The following ADD1 variants were observed in gnomAD, a reference collection of about 807,000 sequenced individuals.
The protein encoded by ADD1 is alpha-adducin.
A neutral mutation model predicts 80.5 loss-of-function variants in ADD1; 24 were observed. That is an observed-to-expected ratio of 0.30 (90% confidence interval 0.22 to 0.42). The LOEUF is 0.42. ADD1 is among the 10% of genes least tolerant of loss of function. The probability of loss-of-function intolerance (pLI) is 1.00; values close to 1 mark genes in which losing one functional copy is unlikely to be tolerated. For missense variants in ADD1, 948 were observed against 1,019.0 expected (o/e 0.93, Z 0.95); for synonymous variants, 373 against 393.8 (o/e 0.95, Z 0.63).
intron 2 of ADD1, among the ~76,000 whole-genome samples, chr4:2,879,501 A>G (rs1731888043): frequency 1.3e-5 from 2 of 152,152 alleles, no homozygotes; most frequent in African/African-American, 4.8e-5. Flanking sequence ...CCATTGAAAT[A>G]GATCCTTTGA....
At chr4:2,909,570 A>G (rs1352400515) in intron 13 of ADD1, 139 bp downstream of exon 13, 13 of 638,786 alleles carry the variant, frequency 2.0e-5, no homozygotes, top group South Asian at 9.2e-5. Context: ...GTGAGATTGT[A>G]CAGAAGGTTC....
chr4:2,926,662 T>C lies in ADD1; in HGVS notation c.2047+550T>C, dbSNP rs1423021454. 1.2e-6 allele frequency: 2 copies of C among 1,613,900 alleles called. No homozygotes were observed. The highest frequency in any genetic ancestry group is 1.7e-5 in the Admixed American group (1 of 59,998). On this transcript the variant is annotated intron_variant, in intron 15 of 15. Coordinates refer to ENST00000683351, the MANE Select transcript of ADD1 (RefSeq NM_001354761.2). This position sits in a 1 kb window ranked among gnomAD's most constrained non-coding sequence, Gnocchi z 5.0. ...AGCAGGAGACGGATGCGCTAGAGAG[T>C]ACCTGTTACCCTAGTAAGTACCGTG...
At chr4:2,875,483 G>A (rs1272002702) in intron 1 of ADD1, among the ~76,000 whole-genome samples, 1 of 151,832 alleles carries the variant, frequency 6.6e-6, no homozygotes, top group East Asian at 1.9e-4. Flanking sequence ...TACCTTATGG[G>A]AAAAAAAATC....
intron 1 of ADD1, among the ~76,000 whole-genome samples, chr4:2,847,420 G>A (rs1279862615): frequency 2.3e-5 from 3 of 131,084 alleles, no homozygotes; most frequent in Non-Finnish European, 3.3e-5. Flanking sequence ...AAAAAAAAAA[G>A]GAAGTAAGAC....
At chr4:2,917,566 T>G (rs1739298140) in intron 14 of ADD1, among the ~76,000 whole-genome samples, 1 of 152,246 alleles carries the variant, frequency 6.6e-6, no homozygotes, top group South Asian at 2.1e-4. Context: ...TGGCTTTTGT[T>G]GCCATTGCTT....
chr4:2,909,236 G>C, intron 12 of ADD1, 103 bp from the exon 13 acceptor site: 1 of 951,708 alleles, frequency 1.1e-6, no homozygotes, highest in Non-Finnish European at 1.6e-6. Flanking sequence ...ACTGTTGACA[G>C]CTGTCCCTGC....
At position 2,926,271 on chromosome 4, in the gene ADD1, C is replaced by A; in HGVS notation, c.2047+159C>A. Reference sequence around the variant, plus strand: ...TTTCTCCTCCTATATTGCTTCTGTCCTGGGTAACTCCAGGCAAAACAGATT... The same window carrying A: ...TTTCTCCTCCTATATTGCTTCTGTCATGGGTAACTCCAGGCAAAACAGATT... On this transcript the variant is annotated intron_variant, in intron 15 of 15. Coordinates refer to ENST00000683351, the MANE Select transcript of ADD1 (RefSeq NM_001354761.2). The surrounding 1 kb of genome is among the most constrained non-coding windows in gnomAD (Gnocchi z 5.0). 1 of 762,598 alleles carries A rather than the reference C, an allele frequency of 1.3e-6. No homozygotes were observed. Among genetic ancestry groups the A allele is most frequent in the Non-Finnish European group, 2.3e-6 (1 of 431,832 alleles). 47.2% of individuals were successfully genotyped at this position (762,598 alleles called of 1,614,324 possible). A position where few individuals can be genotyped will look rare whatever the true frequency, so the allele number is the denominator to read the frequency against.
intron 14 of ADD1, 127 bp from the exon 15 acceptor site, chr4:2,925,887 A>G (rs1740880301): frequency 1.5e-6 from 1 of 676,870 alleles, no homozygotes; most frequent in Non-Finnish European, 2.6e-6. Context: ...GGATCAGGGA[A>G]AGGGTTGAGA....
At chr4:2,908,774 T>G in intron 12 of ADD1, 170 bp downstream of exon 12, 1 of 634,194 alleles carries the variant, frequency 1.6e-6, no homozygotes, top group African/African-American at 1.8e-5. Flanking sequence ...TTTCGTTGAG[T>G]TCTAGAAGGA....
intron 13 of ADD1, among the ~76,000 whole-genome samples, chr4:2,911,082 T>C (rs1737939210): frequency 6.6e-6 from 1 of 152,176 alleles, no homozygotes; most frequent in Non-Finnish European, 1.5e-5. Flanking sequence ...ACAGTCTTGC[T>C]CCTTTTGGAA....
At chr4:2,854,099 A>T (rs1421057070) in intron 1 of ADD1, among the ~76,000 whole-genome samples, 2 of 152,092 alleles carry the variant, frequency 1.3e-5, no homozygotes, top group East Asian at 3.9e-4. Flanking sequence ...AGGTGGGCGG[A>T]TCACCTGAGA....
At chr4:2,887,351 T>C (rs1480891656) in intron 4 of ADD1, among the ~76,000 whole-genome samples, 1 of 151,968 alleles carries the variant, frequency 6.6e-6, no homozygotes, top group Non-Finnish European at 1.5e-5. Context: ...AGGGATTTTC[T>C]GCTAAAGGGA....
In ADD1 at chr4:2,928,265, A is replaced by T; in HGVS notation, c.2142A>T (p.Ala714=). The T allele has an allele frequency of 6.2e-7, 1 of 1,613,832 alleles. No homozygotes were observed. The highest frequency in any genetic ancestry group is 8.5e-7 in the Non-Finnish European group (1 of 1,179,966). ...TGTCCCCTGATGAACCTTCAGAAGC[A>T]CTCGGCTTCCCAATGTTAGAGAAGG... The part of the protein sequence containing the change: ...PDLSPDEPSE[A]LGFPMLEKEE... Residue 714 remains alanine (A), a synonymous_variant, in exon 16 of 16, where the codon GCA becomes GCT. Coordinates refer to ENST00000683351, the MANE Select transcript of ADD1 (RefSeq NM_001354761.2).
At chr4:2,857,940 CT>C (rs980469489) in intron 1 of ADD1, among the ~76,000 whole-genome samples, 5 of 151,490 alleles carry the variant, frequency 3.3e-5, no homozygotes, top group East Asian at 1.9e-4. Context: ...TGTCTCATTG[CT>C]TTTTTTTTAT....
chr4:2,884,464 T>C (rs1410480305), intron 3 of ADD1, 51 bp from the exon 4 acceptor site: 3 of 1,444,740 alleles, frequency 2.1e-6, no homozygotes, highest in Non-Finnish European at 2.8e-6. Flanking sequence ...TAACTAGGAC[T>C]ACAGGCGTAT....
chr4:2,909,050 TC>T, intron 12 of ADD1: 1 of 494,780 alleles, frequency 2.0e-6, no homozygotes, highest in Non-Finnish European at 3.7e-6. Context: ...ACAAAATGAC[TC>T]TACCTTGTGG....
In ADD1 at chr4:2,925,991, A is replaced by AT. The variant is rs776445727; in HGVS notation, c.1949-22dup. 152 of 1,609,788 alleles carry AT rather than the reference A, an allele frequency of 9.4e-5. 1 individual carries two copies. Among genetic ancestry groups the AT allele is most frequent in the Admixed American group, 1.7e-4 (10 of 59,916 alleles). ...TGGCGTGGCGTCCACAGCTCCTACC[A>AT]TATCCTTCTTGCTTCTCTGCAGAGA... is the stretch of plus-strand genomic sequence containing the variant. On this transcript the variant is annotated intron_variant, in intron 14 of 15. Transcript: ENST00000683351.
chr4:2,925,934 C>T, intron 14 of ADD1, 80 bp from the exon 15 acceptor site: 7 of 1,267,888 alleles, frequency 5.5e-6, no homozygotes, highest in South Asian at 2.6e-5. Flanking sequence ...GAGCGGGCTG[C>T]CCCATCTGCC....
chr4:2,917,220 C>T (rs1739233682), intron 14 of ADD1, among the ~76,000 whole-genome samples: 3 of 152,170 alleles, frequency 2.0e-5, no homozygotes, highest in Admixed American at 6.5e-5. Flanking sequence ...TTTTAATGAT[C>T]GCCACTGTAA....
Sources: gnomAD v4.1 joint callset for allele counts (sites outside exome capture counted in the v4.1 genomes callset) on GRCh38, gnomAD v4.1.1 for gene constraint, Gnocchi (gnomAD v3.1) non-coding constraint, MANE v1.5 for transcripts, NCBI Gene and HGNC (gene_info 2026-07-23, HGNC 2026-07-21) for gene names.